Variants in FBXW7 observed in about 807,000 individuals in gnomAD.
The protein encoded by FBXW7 is F-box and WD repeat domain containing 7.
In FBXW7, 11 loss-of-function variants were observed where a neutral mutation model predicts 86.3. That is an observed-to-expected ratio of 0.13 (90% CI 0.08 to 0.21). The LOEUF (loss-of-function observed/expected upper bound fraction) is 0.21, where lower values mean the gene tolerates loss of function less well. Ranked by LOEUF, FBXW7 falls within the 10% of genes least tolerant of loss-of-function variation. FBXW7 has a pLI of 1.00. For missense variants in FBXW7, 488 were observed against 847.4 expected (o/e 0.58, Z 5.27); for synonymous variants, 313 against 297.9 (o/e 1.05, Z -0.52).
chr4:152,398,426 G>C (rs1736620637), intron 4 of FBXW7, among the ~76,000 whole-genome samples: 1 of 151,332 alleles, frequency 6.6e-6, no homozygotes, highest in Non-Finnish European at 1.5e-5. Flanking sequence ...TATATCTTTT[G>C]TGATTTTACA....
At chr4:152,532,273 T>A (rs1750089668) in intron 2 of FBXW7, among the ~76,000 whole-genome samples, 2 of 152,204 alleles carry the variant, frequency 1.3e-5, no homozygotes, top group Admixed American at 1.3e-4. Context: ...ACACTAAGCA[T>A]CTTCTTTTTC....
At chr4:152,344,996 A>G (rs1731114419) in intron 6 of FBXW7, among the ~76,000 whole-genome samples, 1 of 152,210 alleles carries the variant, frequency 6.6e-6, no homozygotes, top group African/African-American at 2.4e-5. Flanking sequence ...ATATGAAATC[A>G]GTGAAATCAT....
At chr4:152,348,561 T>A (rs1480960241) in intron 5 of FBXW7, 1 of 182,676 alleles carries the variant, frequency 5.5e-6, no homozygotes, top group Non-Finnish European at 1.1e-5. Flanking sequence ...AGTTGCTTTG[T>A]CAATATAAAA....
At chr4:152,445,212 G>C (rs1015860109) in intron 2 of FBXW7, among the ~76,000 whole-genome samples, 2 of 152,162 alleles carry the variant, frequency 1.3e-5, no homozygotes, top group Non-Finnish European at 2.9e-5. Flanking sequence ...TGCTGAGTAA[G>C]AGGTGAACAA....
At position 152,391,109 on chromosome 4, in the gene FBXW7, T is replaced by G. The variant is rs935741482; in HGVS notation, c.501+20194A>C. Among the ~76,000 whole-genome samples the G allele has an allele frequency of 7.2e-5, 11 of 152,214 alleles. No homozygotes were observed. In the East Asian group the frequency reaches 2.1e-3, roughly 29 times the overall value. On this transcript the variant is annotated intron_variant, in intron 4 of 13. Transcript: ENST00000281708. ...TTTGAGAAAGATAAACATAGTACCATACTTCATTTATATAATTTTCAGTAA... is the reference window on the plus strand; with the variant it reads ...TTTGAGAAAGATAAACATAGTACCAGACTTCATTTATATAATTTTCAGTAA...
Position 152,341,211 on chromosome 4 carries a change from G to A in FBXW7, c.727-3275C>T, listed in dbSNP as rs372984252. On this transcript the variant is annotated intron_variant, in intron 6 of 13. Coordinates refer to ENST00000281708, the MANE Select transcript of FBXW7 (RefSeq NM_001349798.2). ...ATGGCTTTCCATTTCACCCAAAGTAGAAATCAGTCCTTAGGTTGGCCTACA... is the reference window on the plus strand; with the variant it reads ...ATGGCTTTCCATTTCACCCAAAGTAAAAATCAGTCCTTAGGTTGGCCTACA... 1.6e-4 allele frequency among the ~76,000 whole-genome samples: 25 copies of A among 152,288 alleles called. 1 individual carries two copies. The highest frequency in any genetic ancestry group is 6.0e-4 in the African/African-American group (25 of 41,566).
chr4:152,384,757 C>CA (rs922854432), intron 4 of FBXW7, among the ~76,000 whole-genome samples: 2 of 151,130 alleles, frequency 1.3e-5, no homozygotes, highest in African/African-American at 4.9e-5. Flanking sequence ...TAATCATCAC[C>CA]AAAAAAACCT....
intron 4 of FBXW7, among the ~76,000 whole-genome samples, chr4:152,395,756 G>A (rs1736372799): frequency 1.3e-5 from 2 of 152,020 alleles, no homozygotes; most frequent in African/African-American, 4.8e-5. Context: ...TTCTACAGAA[G>A]TGCCAAAGAA....
chr4:152,388,517 G>A (rs923601582), intron 4 of FBXW7, among the ~76,000 whole-genome samples: 1 of 152,020 alleles, frequency 6.6e-6, no homozygotes, highest in African/African-American at 2.4e-5. Context: ...CATTTAAGCT[G>A]TTTTATATTC....
At chr4:152,451,523 G>A (rs980112310) in intron 2 of FBXW7, 2 of 151,920 alleles carry the variant, frequency 1.3e-5, no homozygotes, top group Admixed American at 6.6e-5. Context: ...ATAAGAATCC[G>A]GCTCCCAGAA....
At chr4:152,399,753 T>C (rs1321194720) in intron 4 of FBXW7, among the ~76,000 whole-genome samples, 1 of 152,048 alleles carries the variant, frequency 6.6e-6, no homozygotes, top group African/African-American at 2.4e-5. Flanking sequence ...TCTAATAAAA[T>C]ATGTATAAGA....
intron 2 of FBXW7, among the ~76,000 whole-genome samples, chr4:152,426,161 C>T (rs1225063233): frequency 2.6e-5 from 4 of 152,236 alleles, no homozygotes; most frequent in South Asian, 2.1e-4. Flanking sequence ...TCAATCAAGG[C>T]TCAAAGAATT....
chr4:152,498,115 C>A (rs1407151342), intron 2 of FBXW7, among the ~76,000 whole-genome samples: 1 of 151,960 alleles, frequency 6.6e-6, no homozygotes, highest in Non-Finnish European at 1.5e-5. Context: ...TCTGCTTGAC[C>A]CTGAGGTTAG....
At chr4:152,372,870 A>T (rs1734124107) in intron 4 of FBXW7, among the ~76,000 whole-genome samples, 1 of 152,024 alleles carries the variant, frequency 6.6e-6, no homozygotes, top group African/African-American at 2.4e-5. Flanking sequence ...TTTATAAATC[A>T]TGTGCTAAGT....
chr4:152,401,833 C>T (rs1736958475), intron 4 of FBXW7, among the ~76,000 whole-genome samples: 2 of 152,230 alleles, frequency 1.3e-5, no homozygotes. Context: ...TAAAACTAAT[C>T]TAAAAATTAA....
At chr4:152,483,451 C>T (rs904742333) in intron 2 of FBXW7, among the ~76,000 whole-genome samples, 3 of 151,112 alleles carry the variant, frequency 2.0e-5, no homozygotes, top group African/African-American at 7.3e-5. Flanking sequence ...CACCTGTAAT[C>T]CCAGCTCTTT....
chr4:152,337,876 T>C lies in FBXW7; in HGVS notation c.787A>G (p.Thr263Ala). Residue 263 changes from threonine (T) to alanine (A), a missense_variant, in exon 7 of 14, where the codon ACA becomes GCA. Thr to Ala is a moderately conservative substitution (Grantham distance 58, BLOSUM62 0). Around this residue, in one of 4 missense-constraint regions of FBXW7, gnomAD observed 59 missense variants for 137.9 expected, o/e 0.43. Coordinates refer to ENST00000281708, the MANE Select transcript of FBXW7 (RefSeq NM_001349798.2). Reference sequence around the variant, plus strand: ...ACTTGCATCATATGTTTTACTTGTGTTGGTTCACAACTATCAATGAGTTCA... The same window carrying C: ...ACTTGCATCATATGTTTTACTTGTGCTGGTTCACAACTATCAATGAGTTCA... ...LDELIDSCEP[T>A]QVKHMMQVIE... 2 of 1,612,742 alleles carry C rather than the reference T, an allele frequency of 1.2e-6. No individual in the cohort carries two copies. Among genetic ancestry groups the C allele is most frequent in the African/African-American group, 2.7e-5 (2 of 75,016 alleles).
chr4:152,524,963 A>G (rs1452721326), intron 2 of FBXW7, among the ~76,000 whole-genome samples: 1 of 152,168 alleles, frequency 6.6e-6, no homozygotes, highest in Non-Finnish European at 1.5e-5. Flanking sequence ...CTTACAACCC[A>G]AATATTTATT....
At chr4:152,389,065 A>T (rs1265600743) in intron 4 of FBXW7, among the ~76,000 whole-genome samples, 1 of 152,126 alleles carries the variant, frequency 6.6e-6, no homozygotes, top group Non-Finnish European at 1.5e-5. Context: ...AAGAAATGCA[A>T]AGTAAAACCA....
Sources: allele counts gnomAD v4.1 joint callset (sites outside exome capture counted in the v4.1 genomes callset), GRCh38; gene constraint gnomAD v4.1.1; regional missense constraint gnomAD v4.1.1; transcripts MANE v1.5; gene names NCBI Gene and HGNC (gene_info 2026-07-23, HGNC 2026-07-21).